The following PPP1R12B variants were observed in gnomAD, a reference collection of about 807,000 sequenced individuals.
PPP1R12B encodes protein phosphatase 1 regulatory subunit 12B.
In PPP1R12B, 76 loss-of-function variants were observed where a neutral mutation model predicts 126.1. The observed-to-expected ratio is 0.60, with a 90% CI of 0.50 to 0.73. The LOEUF is 0.73. PPP1R12B is among the 30% of genes least tolerant of loss of function. The pLI is 0.00. For synonymous variants in PPP1R12B, 356 were observed against 434.7 expected (o/e 0.82, Z 2.25); for missense variants, 1,052 against 1,205.1 (o/e 0.87, Z 1.88).
rs746278792 is a variant in PPP1R12B, at chr1:202,362,981, G to A, written c.291+13839G>A. On this transcript the variant is annotated intron_variant, in intron 1 of 23. Coordinates refer to ENST00000608999, the MANE Select transcript of PPP1R12B (RefSeq NM_002481.4). ...CCTGAGTAGCTGGGACTACAGGCAT[G>A]CACCATCATGCCCAGCTGATTATTG... Among the ~76,000 whole-genome samples the A allele has an allele frequency of 6.6e-5, 10 of 152,204 alleles. No individual in the cohort carries two copies. The South Asian group carries it at 1.0e-3, about 16-fold the overall frequency.
intron 1 of PPP1R12B, among the ~76,000 whole-genome samples, chr1:202,387,976 C>A (rs11579319): frequency 6.6e-6 from 1 of 151,506 alleles, no homozygotes; most frequent in Non-Finnish European, 1.5e-5. Flanking sequence ...CAGAATAATT[C>A]TAAGGTAAAT....
At chr1:202,533,556 AGATTTGCTCTCCTTAGCCTCCC>A (rs1313252322) in intron 18 of PPP1R12B, among the ~76,000 whole-genome samples, 1 of 151,844 alleles carries the variant, frequency 6.6e-6, no homozygotes, top group Non-Finnish European at 1.5e-5. Context: ...TGGGCTCAAG[AGATTTGCTCTCCTTAGCCTCCC>A]AAAGTGCTGA....
At chr1:202,426,686 T>C (rs1390945719) in intron 4 of PPP1R12B, among the ~76,000 whole-genome samples, 10 of 152,234 alleles carry the variant, frequency 6.6e-5, no homozygotes, top group Non-Finnish European at 1.5e-5. Context: ...ACTTCTTCCC[T>C]GCACTGGAAA....
chr1:202,570,196 T>C (rs1276990482), intron 23 of PPP1R12B, among the ~76,000 whole-genome samples: 1 of 152,188 alleles, frequency 6.6e-6, no homozygotes, highest in African/African-American at 2.4e-5. Flanking sequence ...AGCACTGGGA[T>C]AGTATTAGGC....
chr1:202,451,383 T>C (rs1021508775), intron 13 of PPP1R12B, among the ~76,000 whole-genome samples: 16 of 148,066 alleles, frequency 1.1e-4, no homozygotes, highest in African/African-American at 3.8e-4. Context: ...TTAACGAGCA[T>C]GCTGCCTTCA....
Position 202,580,904 on chromosome 1 carries a change from C to T in PPP1R12B, c.*344C>T, listed in dbSNP as rs1377497953. ...TTGTCCACATTGGATTTGGTCCAAACATGTAAGACTTCTACCCTAATCAGT... is the reference window on the plus strand; with the variant it reads ...TTGTCCACATTGGATTTGGTCCAAATATGTAAGACTTCTACCCTAATCAGT... On this transcript the variant is annotated 3_prime_UTR_variant, in exon 24 of 24. Coordinates refer to ENST00000608999, the MANE Select transcript of PPP1R12B (RefSeq NM_002481.4). 7.8e-6 allele frequency: 2 copies of T among 255,942 alleles called. No homozygotes were observed. Among genetic ancestry groups the T allele is most frequent in the Non-Finnish European group, 1.6e-5 (2 of 127,214 alleles). 15.9% of individuals were successfully genotyped at this position (255,942 alleles called of 1,614,324 possible).
intron 1 of PPP1R12B, among the ~76,000 whole-genome samples, chr1:202,408,372 T>A (rs994507690): frequency 2.0e-5 from 3 of 152,256 alleles, no homozygotes; most frequent in Non-Finnish European, 2.9e-5. Context: ...TTTCTAAAAC[T>A]TTCTATTTAA....
chr1:202,493,100 T>C lies in PPP1R12B; in HGVS notation c.1942-14T>C. The C allele has an allele frequency of 6.2e-7, 1 of 1,609,740 alleles. No homozygotes were observed. Among genetic ancestry groups the C allele is most frequent in the South Asian group, 1.1e-5 (1 of 90,928 alleles). On this transcript the variant is annotated splice_polypyrimidine_tract_variant and intron_variant, in intron 14 of 23. Coordinates refer to ENST00000608999, the MANE Select transcript of PPP1R12B (RefSeq NM_002481.4). ...TTAGTGTGAAACAGCCCTGATCTTGTGATATTTTCCCAGGGTGTCACCCTA... is the reference window on the plus strand; with the variant it reads ...TTAGTGTGAAACAGCCCTGATCTTGCGATATTTTCCCAGGGTGTCACCCTA...
chr1:202,431,737 T>C, intron 8 of PPP1R12B, 118 bp downstream of exon 8: 2 of 1,002,806 alleles, frequency 2.0e-6, no homozygotes, highest in Non-Finnish European at 2.9e-6. Flanking sequence ...AGTTTAGTTT[T>C]CAAGGATAAG....
At chr1:202,556,128 A>G (rs892754899) in intron 18 of PPP1R12B, among the ~76,000 whole-genome samples, 1 of 152,152 alleles carries the variant, frequency 6.6e-6, no homozygotes, top group Non-Finnish European at 1.5e-5. Flanking sequence ...CACCTGCCTC[A>G]GCCTCCCAAG....
chr1:202,354,917 C>T (rs896269435), intron 1 of PPP1R12B, among the ~76,000 whole-genome samples: 1 of 151,846 alleles, frequency 6.6e-6, no homozygotes, highest in African/African-American at 2.4e-5. Context: ...GCTCTGCCTC[C>T]CGGGTTCACG....
rs542609579 is a variant in PPP1R12B at position 202,407,650 on chromosome 1, G to A, written c.292-9137G>A. Among the ~76,000 whole-genome samples the A allele has an allele frequency of 9.2e-5, 14 of 152,254 alleles. No homozygotes were observed. The South Asian group carries it at 2.9e-3, about 32-fold the overall frequency. ...TGTGATGATTTCCACTTAAGCAGTA[G>A]TTATACTATATCATGATTGGAGTGA... On this transcript the variant is annotated intron_variant, in intron 1 of 23. Transcript: ENST00000608999.
rs200996460 is a variant in PPP1R12B, at chr1:202,512,437, AT to A, written c.2490+15618del. The stretch of plus-strand genomic sequence containing the variant: ...AAAGCATAAAGAGCAGTCCCAAGGT[AT>A]TTGGGAAGATGCATGGAATTGGCTT... On this transcript the variant is annotated intron_variant, in intron 18 of 23. Coordinates refer to ENST00000608999, the MANE Select transcript of PPP1R12B (RefSeq NM_002481.4). 8.0e-3 allele frequency among the ~76,000 whole-genome samples: 1,224 copies of A among 152,306 alleles called. 18 individuals are homozygous for A. The highest frequency in any genetic ancestry group is 0.028 in the African/African-American group (1,145 of 41,564).
chr1:202,549,058 C>A (rs1293360378), intron 18 of PPP1R12B, among the ~76,000 whole-genome samples: 1 of 151,994 alleles, frequency 6.6e-6, no homozygotes, highest in Non-Finnish European at 1.5e-5. Flanking sequence ...TAAATAAGAA[C>A]CTTGTGCATT....
intron 1 of PPP1R12B, among the ~76,000 whole-genome samples, chr1:202,406,941 G>T (rs967026952): frequency 6.6e-6 from 1 of 152,132 alleles, no homozygotes; most frequent in Non-Finnish European, 1.5e-5. Flanking sequence ...CACATTTATT[G>T]TTCCTCAAAA....
At chr1:202,366,261 G>A (rs1271049788) in intron 1 of PPP1R12B, among the ~76,000 whole-genome samples, 1 of 152,262 alleles carries the variant, frequency 6.6e-6, no homozygotes, top group Middle Eastern at 3.4e-3. Flanking sequence ...GCTCATGCCT[G>A]TAATCCCAGC....
intron 15 of PPP1R12B, among the ~76,000 whole-genome samples, chr1:202,494,032 C>T (rs1679214672): frequency 6.6e-6 from 1 of 152,188 alleles, no homozygotes; most frequent in Non-Finnish European, 1.5e-5. Flanking sequence ...GTTCCAATTA[C>T]AACTGTTGTC....
At chr1:202,474,350 C>T (rs1204842423) in intron 13 of PPP1R12B, among the ~76,000 whole-genome samples, 2 of 151,064 alleles carry the variant, frequency 1.3e-5, no homozygotes, top group African/African-American at 2.4e-5. Context: ...TGCAGTGGTG[C>T]GATCTCACTG....
At chr1:202,416,518 C>T (rs1668078697) in intron 1 of PPP1R12B, among the ~76,000 whole-genome samples, 1 of 110,138 alleles carries the variant, frequency 9.1e-6, no homozygotes. Context: ...AAGAGTGAAA[C>T]TCTGTCTAAA....
Sources: gnomAD v4.1 joint callset for allele counts (sites outside exome capture counted in the v4.1 genomes callset) on GRCh38, gnomAD v4.1.1 for gene constraint, MANE v1.5 for transcripts, NCBI Gene and HGNC (gene_info 2026-07-23, HGNC 2026-07-21) for gene names.